Variants in MBIP observed in about 807,000 individuals in gnomAD.
MBIP encodes the protein MAP3K12-binding inhibitory protein 1.
A neutral mutation model predicts 45.7 loss-of-function variants in MBIP; 32 were observed. The observed-to-expected ratio is 0.70, with a 90% CI of 0.53 to 0.94. MBIP has a LOEUF of 0.94. MBIP is among the 40% of genes least tolerant of loss of function. The pLI is 0.00. For missense variants in MBIP, 381 were observed against 405.5 expected, an observed-to-expected ratio of 0.94 and a Z score of 0.52; for synonymous variants, 145 against 141.0, an observed-to-expected ratio of 1.03 and a Z score of -0.20.
chr14:36,314,665 T>A, intron 3 of MBIP, 26 bp downstream of exon 3: 1 of 1,608,710 alleles, frequency 6.2e-7, no homozygotes. Context: ...TAATACCCTC[T>A]CGCCCCCGCC....
At chr14:36,303,988 T>C (rs947326595) in intron 7 of MBIP, among the ~76,000 whole-genome samples, 7 of 152,194 alleles carry the variant, frequency 4.6e-5, no homozygotes, top group African/African-American at 1.7e-4. Flanking sequence ...AGTTTCTCTC[T>C]TTCTCTAAAA....
At chr14:36,300,745 A>C in intron 8 of MBIP, 40 bp downstream of exon 8, 15 of 1,457,118 alleles carry the variant, frequency 1.0e-5, no homozygotes, top group Non-Finnish European at 1.4e-5. Context: ...AAAACTAATC[A>C]AACTATTTCA....
Position 36,314,847 on chromosome 14 carries a change from T to C in MBIP, c.318A>G (p.Arg106=), listed in dbSNP as rs763345642. Reference sequence around the variant, plus strand: ...CTTCATTTTTGTTCCCCATTTCTGTTCTTCCTATCTCTTCAACAGCAGTTG... The same window carrying C: ...CTTCATTTTTGTTCCCCATTTCTGTCCTTCCTATCTCTTCAACAGCAGTTG... ...ENTTAVEEIG[R]TEMGNKNEVN... The change falls in exon 3 of 9, where the codon AGA becomes AGG. Residue 106 remains arginine, a synonymous_variant. Transcript: ENST00000416007. The C allele has an allele frequency of 5.0e-6, 8 of 1,613,512 alleles. No homozygotes were observed. The highest frequency in any genetic ancestry group is 6.8e-6 in the Non-Finnish European group (8 of 1,179,656).
intron 7 of MBIP, among the ~76,000 whole-genome samples, chr14:36,304,503 T>TA (rs1269067811): frequency 6.6e-6 from 1 of 152,246 alleles, no homozygotes; most frequent in Non-Finnish European, 1.5e-5. Flanking sequence ...TATCATAATT[T>TA]AAAATCAGTA....
intron 6 of MBIP, among the ~76,000 whole-genome samples, chr14:36,310,770 G>A (rs1880151505): frequency 6.6e-6 from 1 of 152,190 alleles, no homozygotes; most frequent in Admixed American, 6.5e-5. Flanking sequence ...AAGGGCATGA[G>A]TATAAAGATC....
intron 1 of MBIP, 56 bp downstream of exon 1, chr14:36,320,404 T>C (rs754257840): frequency 1.9e-6 from 3 of 1,611,180 alleles, no homozygotes; most frequent in Non-Finnish European, 2.5e-6. Context: ...AGAAAAAGAA[T>C]GGCGAGGAGG....
intron 1 of MBIP, 106 bp from the exon 2 acceptor site, chr14:36,316,918 T>G (rs529280207): frequency 8.1e-7 from 1 of 1,241,600 alleles, no homozygotes; most frequent in Admixed American, 2.7e-5. Context: ...TATTTTGCTC[T>G]AAGTTATCAA....
chr14:36,304,528 C>T (rs1440089702), intron 7 of MBIP, among the ~76,000 whole-genome samples: 1 of 152,206 alleles, frequency 6.6e-6, no homozygotes, highest in African/African-American at 2.4e-5. Context: ...TTTGGAAATA[C>T]TCTAAGATCG....
At chr14:36,304,473 T>G (rs573303711) in intron 7 of MBIP, among the ~76,000 whole-genome samples, 160 of 152,362 alleles carry the variant, frequency 1.1e-3, no homozygotes, top group African/African-American at 3.6e-3. Context: ...AAAAGCATGT[T>G]GGTACTTACT....
chr14:36,315,621 T>C (rs1307598404), intron 2 of MBIP, among the ~76,000 whole-genome samples: 2 of 152,088 alleles, frequency 1.3e-5, no homozygotes, highest in Non-Finnish European at 2.9e-5. Context: ...ACCCCTGTTG[T>C]AGAATTTAAA....
At chr14:36,314,385 T>C in intron 4 of MBIP, 127 bp downstream of exon 4, 1 of 626,968 alleles carries the variant, frequency 1.6e-6, no homozygotes, top group Non-Finnish European at 2.7e-6. Context: ...TCTTAATTAC[T>C]AACTAAATCC....
In MBIP at chr14:36,314,677, A is replaced by G. The variant is rs1880452747; in HGVS notation, c.474+14T>C. ...AAATAATACCCTCTCGCCCCCGCCA[A>G]AAAACCTTCTTACTTCTGCTTTTCC... On this transcript the variant is annotated intron_variant, in intron 3 of 8. Transcript: ENST00000416007. The G allele has an allele frequency of 1.9e-6, 3 of 1,611,826 alleles. No individual in the cohort carries two copies. The highest frequency in any genetic ancestry group is 2.2e-5 in the East Asian group (1 of 44,826).
chr14:36,304,129 G>A (rs768970303), intron 7 of MBIP, among the ~76,000 whole-genome samples: 25 of 152,028 alleles, frequency 1.6e-4, no homozygotes, highest in Non-Finnish European at 2.8e-4. Flanking sequence ...CCCACCACAC[G>A]TTCACACGCA....
intron 4 of MBIP, among the ~76,000 whole-genome samples, chr14:36,312,488 A>G (rs1021831574): frequency 1.3e-5 from 2 of 152,182 alleles, no homozygotes; most frequent in Non-Finnish European, 2.9e-5. Flanking sequence ...TCAGAACTCC[A>G]CACAAAGATG....
chr14:36,313,081 T>C (rs1364188065), intron 4 of MBIP, among the ~76,000 whole-genome samples: 2 of 151,996 alleles, frequency 1.3e-5, no homozygotes, highest in East Asian at 3.9e-4. Context: ...TCAAATAGTA[T>C]GCATAAAATT....
intron 4 of MBIP, among the ~76,000 whole-genome samples, chr14:36,312,370 A>G (rs1164234099): frequency 6.6e-6 from 1 of 152,156 alleles, no homozygotes; most frequent in Non-Finnish European, 1.5e-5. Context: ...ACTTCATCGT[A>G]GAAATAAAAC....
At position 36,320,627 on chromosome 14, in the gene MBIP, G is replaced by A; in HGVS notation, c.-39C>T. 3.2e-6 allele frequency: 5 copies of A among 1,564,292 alleles called. No individual in the cohort carries two copies. The highest frequency in any genetic ancestry group is 3.5e-6 in the Non-Finnish European group (4 of 1,157,518). ...GCCGCCCCACCACCACCACCACCAAGATTTGCTCACAACCCCGCCCCCTCC... is the reference window on the plus strand; with the variant it reads ...GCCGCCCCACCACCACCACCACCAAAATTTGCTCACAACCCCGCCCCCTCC... On this transcript the variant is annotated 5_prime_UTR_variant, in exon 1 of 9. Transcript: ENST00000416007.
chr14:36,311,570 T>C lies in MBIP; in HGVS notation c.790+3A>G, dbSNP rs750823808. The C allele has an allele frequency of 6.2e-7, 1 of 1,607,520 alleles. No individual in the cohort carries two copies. Among genetic ancestry groups the C allele is most frequent in the Non-Finnish European group, 8.5e-7 (1 of 1,176,828 alleles). ...ATGAGGTGCCACTTAGCACTTTGCTTACCTGTCTGTAACCGCAAGTGGGCC... is the reference window on the plus strand; with the variant it reads ...ATGAGGTGCCACTTAGCACTTTGCTCACCTGTCTGTAACCGCAAGTGGGCC... On this transcript the variant is annotated splice_donor_region_variant and intron_variant, in intron 6 of 8. Coordinates refer to ENST00000416007, the MANE Select transcript of MBIP (RefSeq NM_016586.3).
At position 36,298,878 on chromosome 14, in the gene MBIP, A is replaced by C. The variant is rs1170209742; in HGVS notation, c.*205T>G. 7.3e-6 allele frequency: 3 copies of C among 413,000 alleles called. No homozygotes were observed. In the Admixed American group the frequency reaches 1.2e-4, roughly 17 times the overall value. The allele number at this position is 413,000 out of a possible 1,614,324, so 25.6% of individuals were successfully genotyped here. Reference sequence around the variant, plus strand: ...TTTAAAACAGAAGGGAATAAATTCCAACAATGCTATTTTCAATGCATTCAT... The same window carrying C: ...TTTAAAACAGAAGGGAATAAATTCCCACAATGCTATTTTCAATGCATTCAT... On this transcript the variant is annotated 3_prime_UTR_variant, in exon 9 of 9. Transcript: ENST00000416007.
Sources: allele counts gnomAD v4.1 joint callset (sites outside exome capture counted in the v4.1 genomes callset), GRCh38; gene constraint gnomAD v4.1.1; transcripts MANE v1.5; gene names NCBI Gene and HGNC (gene_info 2026-07-23, HGNC 2026-07-21).